Variants in THRA observed in about 807,000 individuals in gnomAD.
The protein encoded by THRA is thyroid hormone receptor alpha.
THRA carries 13 observed loss-of-function variants against 45.0 expected under a neutral mutation model. The observed-to-expected ratio is 0.29, with a 90% confidence interval of 0.19 to 0.46. THRA has a LOEUF of 0.46. Among genes scored for constraint, THRA ranks in the 20% least tolerant of loss-of-function variants. The probability of loss-of-function intolerance (pLI) is 1.00; values close to 1 mark genes in which losing one functional copy is unlikely to be tolerated. For missense variants in THRA, 278 were observed against 556.1 expected, an observed-to-expected ratio of 0.50 and a Z score of 5.03; for synonymous variants, 195 against 214.0, an observed-to-expected ratio of 0.91 and a Z score of 0.78.
intron 4 of THRA, 121 bp downstream of exon 4, chr17:40,077,729 C>G (rs566327551): frequency 1.9e-5 from 14 of 746,550 alleles, no homozygotes; most frequent in Non-Finnish European, 2.6e-5. Context: ...CGGAGTCTCA[C>G]TCTTGTCCCC....
rs751770131 is a variant in THRA, at chr17:40,089,462, C to G, written c.*6C>G. 1 of 1,613,820 alleles carries G rather than the reference C, an allele frequency of 6.2e-7. No individual in the cohort carries two copies. Among genetic ancestry groups the G allele is most frequent in the South Asian group, 1.1e-5 (1 of 91,052 alleles). On this transcript the variant is annotated 3_prime_UTR_variant, in exon 9 of 9. Transcript: ENST00000450525. This position sits in a 1 kb window ranked among gnomAD's most constrained non-coding sequence, Gnocchi z 6.1. ...TTGAGGATCAGGAAGTCTAAAGCCT[C>G]AGGCGGCCAGAGGGTGTGCGGAGCT... is the stretch of plus-strand genomic sequence containing the variant.
At chr17:40,069,083 CCTCTCTCCCTCCCTCT>C (rs1256621717) in intron 1 of THRA, 4 of 149,928 alleles carry the variant, frequency 2.7e-5, no homozygotes, top group African/African-American at 4.9e-5. Flanking sequence ...TCTCTCCCTC[CCTCTCTCCCTCCCTCT>C]CTCTCTCCCT....
rs1308393849 is a variant in THRA at position 40,076,751 on chromosome 17, G to C, written c.54-120G>C. ...TGTCAGCTGACCCTGGGGGGTGGGA[G>C]GTAGAATGAGGACACAAAATGGAAA... On this transcript the variant is annotated intron_variant, in intron 2 of 8. Transcript: ENST00000450525. 4.0e-6 allele frequency: 4 copies of C among 1,007,792 alleles called. No homozygotes were observed. The East Asian group carries it at 1.0e-4, about 26-fold the overall frequency. The allele number at this position is 1,007,792 out of a possible 1,614,324, so 62.4% of individuals were successfully genotyped here. A position where few individuals can be genotyped will look rare whatever the true frequency, so the allele number is the denominator to read the frequency against.
intron 7 of THRA, among the ~76,000 whole-genome samples, chr17:40,087,483 G>GCA (rs954907770): frequency 6.6e-6 from 1 of 150,482 alleles, no homozygotes; most frequent in African/African-American, 2.4e-5. Context: ...AAACACACAG[G>GCA]CACACACACA....
chr17:40,087,631 G>C (rs1433735252), intron 7 of THRA, among the ~76,000 whole-genome samples: 2 of 152,208 alleles, frequency 1.3e-5, no homozygotes, highest in Non-Finnish European at 2.9e-5. Context: ...ATTTTCCAGA[G>C]CACTAGTGCT....
chr17:40,063,545 G>T (rs1466512130), intron 1 of THRA, among the ~76,000 whole-genome samples: 1 of 152,160 alleles, frequency 6.6e-6, no homozygotes, highest in Non-Finnish European at 1.5e-5. Context: ...CTCCAGCTGC[G>T]GAGGGCAGTA....
intron 1 of THRA, among the ~76,000 whole-genome samples, 180 bp from the exon 2 acceptor site, chr17:40,074,012 A>G (rs191655744): frequency 8.7e-4 from 133 of 152,084 alleles, no homozygotes; most frequent in Middle Eastern, 3.4e-3. Context: ...TGGATCTCCA[A>G]TCTCGCCTGC....
Position 40,090,622 on chromosome 17 carries a change from G to GT in THRA, c.*1169dup, listed in dbSNP as rs78527468. ...GAACCCTCCACCCCTTTAGCACTCT[G>GT]TTTCCCTGTTTCCCATCTGTCTTCT... On this transcript the variant is annotated 3_prime_UTR_variant, in exon 9 of 9. Coordinates refer to ENST00000450525, the MANE Select transcript of THRA (RefSeq NM_199334.5). 46,606 of 152,250 alleles carry GT rather than the reference G, an allele frequency of 0.31. 7,685 individuals carry two copies. Among genetic ancestry groups the GT allele is most frequent in the Middle Eastern group, 0.41 (121 of 294 alleles). The allele number at this position is 152,250 out of a possible 1,614,324, so 9.4% of individuals were successfully genotyped here.
At chr17:40,072,592 C>T (rs1640236959) in intron 1 of THRA, among the ~76,000 whole-genome samples, 1 of 152,110 alleles carries the variant, frequency 6.6e-6, no homozygotes, top group Non-Finnish European at 1.5e-5. Flanking sequence ...GACATTCAGA[C>T]ACAGACAGAC....
chr17:40,072,358 G>A (rs1303435951), intron 1 of THRA, among the ~76,000 whole-genome samples: 2 of 152,154 alleles, frequency 1.3e-5, no homozygotes, highest in Non-Finnish European at 2.9e-5. Context: ...TGCTCCCCGG[G>A]GCTGCCCCTC....
rs1434012501 is a variant in THRA, at chr17:40,089,003, C to T, written c.983-203C>T. Reference sequence around the variant, plus strand: ...GCCCCCTCCCCCCAGTACCCCCCTGCCCCTCTCCACTTCCCAGCTGCCTCC... The same window carrying T: ...GCCCCCTCCCCCCAGTACCCCCCTGTCCCTCTCCACTTCCCAGCTGCCTCC... On this transcript the variant is annotated intron_variant, in intron 8 of 8. Transcript: ENST00000450525. The surrounding 1 kb of genome is among the most constrained non-coding windows in gnomAD (Gnocchi z 6.1). Among the ~76,000 whole-genome samples the T allele has an allele frequency of 1.4e-5, 2 of 141,220 alleles. No individual in the cohort carries two copies. The highest frequency in any genetic ancestry group is 1.4e-4 in the Admixed American group (2 of 14,126). 92.6% of individuals were successfully genotyped at this position (141,220 alleles called of 152,430 possible). A position where few individuals can be genotyped will look rare whatever the true frequency, so the allele number is the denominator to read the frequency against.
chr17:40,065,677 G>A (rs919943855), intron 1 of THRA, among the ~76,000 whole-genome samples: 1 of 152,054 alleles, frequency 6.6e-6, no homozygotes, highest in Non-Finnish European at 1.5e-5. Context: ...AGGTTGGGGT[G>A]GGGGGCGGGG....
intron 4 of THRA, among the ~76,000 whole-genome samples, chr17:40,082,020 G>T (rs1987154136): frequency 6.6e-6 from 1 of 151,826 alleles, no homozygotes; most frequent in African/African-American, 2.4e-5. Context: ...CCAATGTAGA[G>T]AATTGAAATT....
At chr17:40,084,118 T>G in intron 5 of THRA, 136 bp downstream of exon 5, 1 of 1,099,776 alleles carries the variant, frequency 9.1e-7, no homozygotes, top group Non-Finnish European at 1.3e-6. Flanking sequence ...GAATGTTCAG[T>G]GTCTTGGTCC....
chr17:40,069,194 TCA>T (rs1215725063), intron 1 of THRA, among the ~76,000 whole-genome samples: 2 of 140,434 alleles, frequency 1.4e-5, no homozygotes, highest in African/African-American at 2.6e-5. Context: ...TCTCTCTCTC[TCA>T]CACACACACT....
intron 1 of THRA, among the ~76,000 whole-genome samples, chr17:40,070,066 C>G (rs912966154): frequency 1.3e-5 from 2 of 152,034 alleles, no homozygotes; most frequent in African/African-American, 4.8e-5. Flanking sequence ...CAATCTCCCC[C>G]TTATGAGGAT....
In THRA at chr17:40,084,664, G is replaced by A; in HGVS notation, c.425G>A (p.Arg142Gln). Reference sequence around the variant, plus strand: ...AAGCGTAAGCTGATTGAGCAGAACCGGGAGCGGCGGCGGAAGGAGGAGATG... The same window carrying A: ...AAGCGTAAGCTGATTGAGCAGAACCAGGAGCGGCGGCGGAAGGAGGAGATG... ...VAKRKLIEQNRERRRKEEMIR... is the reference protein window; with the variant it reads ...VAKRKLIEQNQERRRKEEMIR... The change falls in exon 6 of 9, where the codon CGG (arginine) becomes CAG (glutamine). Residue 142 changes from arginine to glutamine, a missense_variant. Coordinates refer to ENST00000450525, the MANE Select transcript of THRA (RefSeq NM_199334.5). 4 of 1,614,082 alleles carry A rather than the reference G, an allele frequency of 2.5e-6. No homozygotes were observed. Among genetic ancestry groups the A allele is most frequent in the Non-Finnish European group, 3.4e-6 (4 of 1,179,984 alleles).
chr17:40,093,611 G>T, downstream of THRA: 1 of 720,586 alleles, frequency 1.4e-6, no homozygotes. The surrounding 1 kb of genome is among the most constrained non-coding windows in gnomAD (Gnocchi z 5.9). Context: ...CCCTTTCTCT[G>T]CCTGGCAACA....
chr17:40,066,166 G>A (rs911775772), intron 1 of THRA, among the ~76,000 whole-genome samples: 5 of 152,218 alleles, frequency 3.3e-5, no homozygotes, highest in Non-Finnish European at 7.3e-5. Context: ...CAGCCTAGAA[G>A]GGGTACCTCT....
Sources: allele counts gnomAD v4.1 joint callset (sites outside exome capture counted in the v4.1 genomes callset), GRCh38; gene constraint gnomAD v4.1.1; non-coding constraint Gnocchi (gnomAD v3.1); transcripts MANE v1.5; gene names NCBI Gene and HGNC (gene_info 2026-07-23, HGNC 2026-07-21).